PHTF1: variants seen among roughly 807,000 people sequenced by gnomAD.
PHTF1 encodes protein PHTF1.
Under a neutral mutation model 102.4 loss-of-function variants are expected in PHTF1, and 88 were observed. That is an observed-to-expected ratio of 0.86 (90% CI 0.72 to 1.03). PHTF1 has a LOEUF of 1.03. PHTF1 is among the 50% of genes least tolerant of loss of function. PHTF1 has a pLI of 0.00. For synonymous variants in PHTF1, 289 were observed against 305.2 expected (o/e 0.95, Z 0.55); for missense variants, 814 against 909.5 (o/e 0.89, Z 1.35).
At chr1:113,758,943 T>G in intron 1 of PHTF1, 80 bp downstream of exon 1, 2 of 1,050,346 alleles carry the variant, frequency 1.9e-6, no homozygotes, top group East Asian at 8.5e-5. Flanking sequence ...AGCGTGTTCG[T>G]GGGTGCGGGG....
chr1:113,713,980 C>G (rs1026944209), intron 7 of PHTF1: 1 of 152,848 alleles, frequency 6.5e-6, no homozygotes, highest in Non-Finnish European at 1.5e-5. Flanking sequence ...GGCCCCCATT[C>G]CAGGACCTAG....
chr1:113,704,106 G>T lies in PHTF1; in HGVS notation c.1865C>A (p.Ser622Ter). Residue 622 changes from serine to a stop codon, truncating the protein, a stop_gained, in exon 15 of 19, where the codon TCG (serine) becomes TAG (stop). Coordinates refer to ENST00000369604, the MANE Select transcript of PHTF1 (RefSeq NM_001323043.2). LOFTEE classifies it high-confidence loss of function. ...VVSSVFLLTL[S>*]IAFICCAQVL... The stretch of plus-strand genomic sequence containing the variant: ...CTGAGCACAACAAATGAAAGCAATC[G>T]AAAGTGTCAGTAGGAAAACCGAGGA... The T allele has an allele frequency of 6.2e-7, 1 of 1,612,858 alleles. No individual in the cohort carries two copies. Among genetic ancestry groups the T allele is most frequent in the Non-Finnish European group, 8.5e-7 (1 of 1,178,980 alleles).
intron 5 of PHTF1, among the ~76,000 whole-genome samples, chr1:113,735,888 T>C (rs913960993): frequency 5.3e-5 from 8 of 152,174 alleles, no homozygotes; most frequent in African/African-American, 1.9e-4. Context: ...GTAACCATAG[T>C]ATATACTGTC....
intron 3 of PHTF1, among the ~76,000 whole-genome samples, chr1:113,743,107 CCCAGTCTGTTCTATGATAACTTAA>C (rs1656676108): frequency 6.6e-6 from 1 of 152,180 alleles, no homozygotes; most frequent in Non-Finnish European, 1.5e-5. Context: ...AGCCACCTCA[CCCAGTCTGTTCTATGATAACTTAA>C]CCTTAGCTTA....
At chr1:113,719,032 G>A (rs560053851) in intron 7 of PHTF1, among the ~76,000 whole-genome samples, 26 of 150,946 alleles carry the variant, frequency 1.7e-4, no homozygotes, top group Non-Finnish European at 3.0e-4. Context: ...ACAGAGTCTC[G>A]TTCTGTCACC....
chr1:113,718,310 T>C (rs1652388241), intron 7 of PHTF1, among the ~76,000 whole-genome samples: 1 of 152,220 alleles, frequency 6.6e-6, no homozygotes, highest in Non-Finnish European at 1.5e-5. Context: ...CACATGGTCT[T>C]GGGCAGCTCT....
rs565988206 is a variant in PHTF1 at position 113,759,118 on chromosome 1, A to G, written c.-126T>C. On this transcript the variant is annotated 5_prime_UTR_variant, in exon 1 of 19. Transcript: ENST00000369604. ...CCGGGGGCGAGGCGGCGGGCCAGGC[A>G]GGCCGCATCTTCCCCTCCAGGCGGA... is the stretch of plus-strand genomic sequence containing the variant. The G allele has an allele frequency of 4.1e-6, 4 of 981,648 alleles. No individual in the cohort carries two copies. Among genetic ancestry groups the G allele is most frequent in the Non-Finnish European group, 4.8e-6 (4 of 825,892 alleles). The allele number at this position is 981,648 out of a possible 1,614,324, so 60.8% of individuals were successfully genotyped here.
rs189372039 is a variant in PHTF1, at chr1:113,737,549, G to C, written c.331+561C>G. Among the ~76,000 whole-genome samples the C allele has an allele frequency of 2.6e-5, 4 of 152,248 alleles. No individual in the cohort carries two copies. In the South Asian group the frequency reaches 6.2e-4, roughly 24 times the overall value. On this transcript the variant is annotated intron_variant, in intron 5 of 18. Coordinates refer to ENST00000369604, the MANE Select transcript of PHTF1 (RefSeq NM_001323043.2). ...AGGTAATCCAATATTCAGGCTAAAC[G>C]TGGTGGCTCACATCTGTAATCCCAA...
chr1:113,757,818 A>G lies in PHTF1; in HGVS notation c.46-63T>C, dbSNP rs1659105766. The G allele has an allele frequency of 4.7e-6, 5 of 1,063,254 alleles. No homozygotes were observed. In the Admixed American group the frequency reaches 6.8e-5, roughly 15 times the overall value. 65.9% of individuals were successfully genotyped at this position (1,063,254 alleles called of 1,614,324 possible). ...AGGAAATCCTTACATTATTAAGTCA[A>G]GCCTCATAAAAGTCATGAGCCTATT... On this transcript the variant is annotated intron_variant, in intron 2 of 18. Transcript: ENST00000369604.
At chr1:113,708,351 C>A (rs1001182842) in intron 11 of PHTF1, among the ~76,000 whole-genome samples, 1 of 152,196 alleles carries the variant, frequency 6.6e-6, no homozygotes, top group African/African-American at 2.4e-5. Flanking sequence ...GCCAGCTGGG[C>A]GCGGTGGCTC....
At chr1:113,727,685 G>A (rs960937979) in intron 5 of PHTF1, among the ~76,000 whole-genome samples, 5 of 152,102 alleles carry the variant, frequency 3.3e-5, no homozygotes, top group African/African-American at 1.2e-4. Flanking sequence ...TTTGGTTGGC[G>A]GCTGGGCATG....
At position 113,726,643 on chromosome 1, in the gene PHTF1, C is replaced by T. The variant is rs542808646; in HGVS notation, c.332-69G>A. On this transcript the variant is annotated intron_variant, in intron 5 of 18. Transcript: ENST00000369604. ...TTTAAAATTAATTCTAAAAACTATA[C>T]AAATTGTTTCTATAAAAATCCATCA... is the stretch of plus-strand genomic sequence containing the variant. The T allele has an allele frequency of 1.6e-4, 158 of 972,976 alleles. No individual in the cohort carries two copies. In the African/African-American group the frequency reaches 2.5e-3, roughly 15 times the overall value. The allele number at this position is 972,976 out of a possible 1,614,324, so 60.3% of individuals were successfully genotyped here. A position where few individuals can be genotyped will look rare whatever the true frequency, so the allele number is the denominator to read the frequency against.
At chr1:113,725,078 A>C (rs1234317078) in intron 6 of PHTF1, among the ~76,000 whole-genome samples, 185 bp from the exon 7 acceptor site, 1 of 152,170 alleles carries the variant, frequency 6.6e-6, no homozygotes, top group African/African-American at 2.4e-5. Context: ...TTCCAAACCA[A>C]AGTCCTATGC....
intron 5 of PHTF1, among the ~76,000 whole-genome samples, chr1:113,734,012 C>T (rs1291896479): frequency 6.6e-6 from 1 of 152,178 alleles, no homozygotes; most frequent in South Asian, 2.1e-4. Flanking sequence ...GTAATCCCAG[C>T]ACTTTGGGAG....
chr1:113,755,798 T>G (rs1230678), intron 3 of PHTF1, among the ~76,000 whole-genome samples: 38,466 of 151,848 alleles, frequency 0.25, 5,468 homozygotes, highest in East Asian at 0.61. Flanking sequence ...TCATGCCTCA[T>G]GCCTATAATC....
chr1:113,718,321 G>C (rs1194848052), intron 7 of PHTF1, among the ~76,000 whole-genome samples: 2 of 152,210 alleles, frequency 1.3e-5, no homozygotes, highest in Non-Finnish European at 2.9e-5. Context: ...GGGCAGCTCT[G>C]TCCTTATGGC....
chr1:113,710,137 G>T, intron 11 of PHTF1, 117 bp downstream of exon 11: 1 of 736,838 alleles, frequency 1.4e-6, no homozygotes, highest in Non-Finnish European at 2.3e-6. Context: ...TCTAAACTGG[G>T]GATAATAATA....
rs1650251989 is a variant in PHTF1, at chr1:113,706,727, G to A, written c.1270-5C>T. On this transcript the variant is annotated splice_region_variant and splice_polypyrimidine_tract_variant and intron_variant, in intron 11 of 18. Transcript: ENST00000369604. The stretch of plus-strand genomic sequence containing the variant: ...CTGAAGCCAGAATAAATGATTCTGA[G>A]AAGAAAAATATAAAATTGTTTCTAT... 1.9e-6 allele frequency: 3 copies of A among 1,592,146 alleles called. No individual in the cohort carries two copies. Among genetic ancestry groups the A allele is most frequent in the East Asian group, 4.5e-5 (2 of 44,578 alleles).
intron 1 of PHTF1, 66 bp from the exon 2 acceptor site, chr1:113,758,799 G>T: frequency 6.6e-7 from 1 of 1,518,578 alleles, no homozygotes; most frequent in Non-Finnish European, 8.8e-7. Context: ...GTTTGGGTAG[G>T]ACGCGAAAAC....
Sources: allele counts gnomAD v4.1 joint callset (sites outside exome capture counted in the v4.1 genomes callset), GRCh38; gene constraint gnomAD v4.1.1; transcripts MANE v1.5; gene names NCBI Gene and HGNC (gene_info 2026-07-23, HGNC 2026-07-21).